Variants in MROH2B observed in about 807,000 individuals in gnomAD.
The protein encoded by MROH2B is maestro heat-like repeat-containing protein family member 2B.
In MROH2B, 177 loss-of-function variants were observed where a neutral mutation model predicts 208.6. The ratio of observed to expected loss-of-function variants is 0.85; its 90% CI spans 0.75 to 0.96. The LOEUF (loss-of-function observed/expected upper bound fraction) is 0.96, where lower values mean the gene tolerates loss of function less well. MROH2B is among the 40% of genes least tolerant of loss of function. MROH2B has a pLI of 0.00. For synonymous variants in MROH2B, 728 were observed against 659.0 expected, an observed-to-expected ratio of 1.10 and a Z score of -1.60; for missense variants, 2,002 against 1,878.7, an observed-to-expected ratio of 1.07 and a Z score of -1.21.
chr5:41,038,626 A>G, intron 21 of MROH2B, 110 bp downstream of exon 21: 1 of 1,094,114 alleles, frequency 9.1e-7, no homozygotes, highest in South Asian at 1.9e-5. Context: ...CACGTGGCTG[A>G]TAAAAACATA....
intron 2 of MROH2B, among the ~76,000 whole-genome samples, 198 bp downstream of exon 2, chr5:41,069,493 A>G (rs1425322315): frequency 6.6e-6 from 1 of 152,174 alleles, no homozygotes; most frequent in Non-Finnish European, 1.5e-5. Flanking sequence ...CTAGACATAG[A>G]TGCTGTGATT....
In MROH2B at chr5:41,010,023, T is replaced by C; in HGVS notation, c.3192A>G (p.Glu1064=). The change falls in exon 31 of 42, where the codon GAA becomes GAG. Residue 1064 remains glutamate, a synonymous_variant. Coordinates refer to ENST00000399564, the MANE Select transcript of MROH2B (RefSeq NM_173489.5). ...CTTCTAGAATGAACTGAAAACTTTC[T>C]TCTTTTTGTCTGAGGACTGGCATGT... ...YHHMPVLRQK[E]ESFQFILEAI... 1.2e-6 allele frequency: 2 copies of C among 1,613,894 alleles called. No homozygotes were observed. The highest frequency in any genetic ancestry group is 1.7e-6 in the Non-Finnish European group (2 of 1,179,840).
intron 24 of MROH2B, among the ~76,000 whole-genome samples, chr5:41,020,606 T>C (rs1384176934): frequency 1.3e-5 from 2 of 152,218 alleles, no homozygotes; most frequent in African/African-American, 2.4e-5. Context: ...ATAATATTTA[T>C]TGAATAAAAC....
At chr5:41,000,636 T>A in intron 38 of MROH2B, 42 bp downstream of exon 38, 1 of 1,577,136 alleles carries the variant, frequency 6.3e-7, no homozygotes, top group East Asian at 2.2e-5. Flanking sequence ...TTCTCAGCCA[T>A]GGGGAGAGCA....
At chr5:41,053,361 T>C (rs1743343226) in intron 11 of MROH2B, among the ~76,000 whole-genome samples, 1 of 152,174 alleles carries the variant, frequency 6.6e-6, no homozygotes, top group African/African-American at 2.4e-5. Flanking sequence ...TCTATCAGAG[T>C]AATGTTTTTC....
chr5:41,040,153 GT>G (rs113750826), intron 19 of MROH2B, among the ~76,000 whole-genome samples: 4 of 151,940 alleles, frequency 2.6e-5, no homozygotes, highest in Admixed American at 6.6e-5. Context: ...GCTAATGGAG[GT>G]TTTTTTTCAG....
At chr5:41,058,471 T>G (rs1202719784) in intron 6 of MROH2B, among the ~76,000 whole-genome samples, 1 of 152,164 alleles carries the variant, frequency 6.6e-6, no homozygotes, top group African/African-American at 2.4e-5. Flanking sequence ...TTATTGTATT[T>G]TTTTGAAACA....
intron 21 of MROH2B, 29 bp downstream of exon 21, chr5:41,038,707 A>G: frequency 6.4e-7 from 1 of 1,574,344 alleles, no homozygotes; most frequent in Non-Finnish European, 8.6e-7. Flanking sequence ...CCAGCCTAGA[A>G]ATGGAGGCAG....
At chr5:41,049,165 T>C (rs1378480456) in intron 14 of MROH2B, 24 bp from the exon 15 acceptor site, 5 of 1,602,424 alleles carry the variant, frequency 3.1e-6, no homozygotes, top group African/African-American at 1.3e-5. Context: ...GCAATTTTCA[T>C]CATCACTGCA....
Position 41,057,324 on chromosome 5 carries a change from C to T in MROH2B, c.793G>A (p.Asp265Asn), listed in dbSNP as rs200045457. 50 of 1,588,402 alleles carry T rather than the reference C, an allele frequency of 3.1e-5. No homozygotes were observed. The African/African-American group carries it at 5.0e-4, about 16-fold the overall frequency. ...CTCAAGCTCCTTGGAAGGCCAATGT[C>T]ATAAAGAACTGCTGCAGTCAGTATT... ...KQILTAAVLY[D>N]IGLPRSLRRS... is the part of the protein sequence containing the mutation. The change falls in exon 8 of 42, where the codon GAC becomes AAC. Residue 265 changes from aspartate (D) to asparagine (N), a missense_variant. Coordinates refer to ENST00000399564, the MANE Select transcript of MROH2B (RefSeq NM_173489.5).
Position 41,015,420 on chromosome 5 carries a change from G to C in MROH2B, c.2943C>G (p.Asp981Glu). 1 of 1,613,480 alleles carries C rather than the reference G, an allele frequency of 6.2e-7. No homozygotes were observed. Among genetic ancestry groups the C allele is most frequent in the Non-Finnish European group, 8.5e-7 (1 of 1,179,634 alleles). ...AAGAAATCTTGATCTGAACCTGCAC[G>C]TCATCACTTTCCAGCCCTTCCTGCA... ...QGLQEGLESD[D>E]VQVQIKISSK... Residue 981 changes from aspartate (D) to glutamate (E), a missense_variant, in exon 29 of 42, where the codon GAC (aspartate) becomes GAG (glutamate). Transcript: ENST00000399564.
chr5:41,023,141 C>G (rs949514812), intron 24 of MROH2B, among the ~76,000 whole-genome samples: 1 of 152,136 alleles, frequency 6.6e-6, no homozygotes, highest in Admixed American at 6.5e-5. Context: ...AGCGCTCTCC[C>G]CCTCCAAAGG....
intron 7 of MROH2B, 44 bp downstream of exon 7, chr5:41,058,019 C>A: frequency 7.0e-7 from 1 of 1,437,130 alleles, no homozygotes; most frequent in South Asian, 1.6e-5. Context: ...CGGAGGGTTG[C>A]ATGCGGGTTC....
rs1483178624 is a variant in MROH2B at position 41,005,252 on chromosome 5, A to T, written c.3864+279T>A. ...TCTTCAGGCCGGAATTTGAAGCGTCAGTGCTACAATGCTTTGTTTGATCCC... is the reference window on the plus strand; with the variant it reads ...TCTTCAGGCCGGAATTTGAAGCGTCTGTGCTACAATGCTTTGTTTGATCCC... On this transcript the variant is annotated intron_variant, in intron 35 of 41. Transcript: ENST00000399564. The T allele has an allele frequency of 1.2e-5, 6 of 519,730 alleles. No individual in the cohort carries two copies. The East Asian group carries it at 1.5e-4, about 13-fold the overall frequency. The allele number at this position is 519,730 out of a possible 1,614,324, so 32.2% of individuals were successfully genotyped here. A position where few individuals can be genotyped will look rare whatever the true frequency, so the allele number is the denominator to read the frequency against.
intron 15 of MROH2B, 114 bp downstream of exon 15, chr5:41,048,987 T>C: frequency 9.9e-7 from 1 of 1,011,030 alleles, no homozygotes; most frequent in Non-Finnish European, 1.4e-6. Flanking sequence ...TATGCCTTTT[T>C]AGTGTTTCTT....
Position 41,018,709 on chromosome 5 carries a change from G to A in MROH2B, c.2655C>T (p.Asp885=), listed in dbSNP as rs753058431. 1 of 1,613,910 alleles carries A rather than the reference G, an allele frequency of 6.2e-7. No homozygotes were observed. The highest frequency in any genetic ancestry group is 8.5e-7 in the Non-Finnish European group (1 of 1,179,848). The change falls in exon 26 of 42, where the codon GAC becomes GAT. Residue 885 remains aspartate, a synonymous_variant. Coordinates refer to ENST00000399564, the MANE Select transcript of MROH2B (RefSeq NM_173489.5). Reference sequence around the variant, plus strand: ...TACTCACATTAAACATTTCTTGACAGTCCTCTGCATTCACATTATCCCACA... The same window carrying A: ...TACTCACATTAAACATTTCTTGACAATCCTCTGCATTCACATTATCCCACA... ...TMMWDNVNAE[D]CQEMFNLLQM...
Position 41,042,204 on chromosome 5 carries a change from A to G in MROH2B, c.1841T>C (p.Phe614Ser). 2 of 1,546,484 alleles carry G rather than the reference A, an allele frequency of 1.3e-6. No individual in the cohort carries two copies. The highest frequency in any genetic ancestry group is 1.4e-5 in the African/African-American group (1 of 73,470). Residue 614 changes from phenylalanine to serine, a missense_variant, in exon 19 of 42, where the codon TTC becomes TCC. Physicochemically the swap from Phe to Ser is radical, Grantham distance 155. Coordinates refer to ENST00000399564, the MANE Select transcript of MROH2B (RefSeq NM_173489.5). The part of the protein sequence containing the change: ...SYSNNSTEKK[F>S]LWKALGTTLA... ...GGTGGTTCCCAAGGCTTTCCAAAGG[A>G]ATTTCTGGAAAACAAAAGATAAGCA...
chr5:41,042,038 G>A (rs1742969964), intron 19 of MROH2B, 54 bp downstream of exon 19: 1 of 966,540 alleles, frequency 1.0e-6, no homozygotes. Context: ...TTTGTGGATA[G>A]GATTAGTTGT....
In MROH2B at chr5:41,009,366, C is replaced by G. The variant is rs748626414; in HGVS notation, c.3334G>C (p.Ala1112Pro). 77 of 1,613,710 alleles carry G rather than the reference C, an allele frequency of 4.8e-5. No homozygotes were observed. The Admixed American group carries it at 1.3e-3, about 27-fold the overall frequency. The change falls in exon 32 of 42, where the codon GCC becomes CCC. Residue 1112 changes from alanine to proline, a missense_variant. Physicochemically the swap from Ala to Pro is conservative, Grantham distance 27. Transcript: ENST00000399564. ...GCTTGCAAGAGTTTCCCACTGGAGGCTGGCTTTTCAGCCAGCGCCTTCCAC... is the reference window on the plus strand; with the variant it reads ...GCTTGCAAGAGTTTCCCACTGGAGGGTGGCTTTTCAGCCAGCGCCTTCCAC... ...TLWKALAEKPASSGKLLQALI... is the reference protein window; with the variant it reads ...TLWKALAEKPPSSGKLLQALI...
Sources: allele counts gnomAD v4.1 joint callset (sites outside exome capture counted in the v4.1 genomes callset), GRCh38; gene constraint gnomAD v4.1.1; transcripts MANE v1.5; gene names NCBI Gene and HGNC (gene_info 2026-07-23, HGNC 2026-07-21).